HIRA: variants seen among roughly 807,000 people sequenced by gnomAD.
HIRA encodes histone cell cycle regulator.
HIRA carries 13 observed loss-of-function variants against 126.6 expected under a neutral mutation model. The observed-to-expected ratio is 0.10, with a 90% CI of 0.07 to 0.16. The LOEUF is 0.16. Ranked by LOEUF, HIRA falls within the 10% of genes least tolerant of loss-of-function variation. The pLI is 1.00. For synonymous variants in HIRA, 511 were observed against 520.0 expected (o/e 0.98, Z 0.24); for missense variants, 834 against 1,314.4 (o/e 0.63, Z 5.65).
intron 24 of HIRA, among the ~76,000 whole-genome samples, chr22:19,336,986 A>G (rs2088573898): frequency 6.6e-6 from 1 of 152,256 alleles, no homozygotes; most frequent in South Asian, 2.1e-4. Flanking sequence ...ACAAGGTTCT[A>G]TAATACCTCC....
rs376477210 is a variant in HIRA, at chr22:19,424,857, T to C, written c.37+6583A>G. On this transcript the variant is annotated intron_variant, in intron 1 of 24. Coordinates refer to ENST00000263208, the MANE Select transcript of HIRA (RefSeq NM_003325.4). ...ATAACAAGTCCTGAGATAGGTCAGC[T>C]TCAGGGTGCATTAATTTAGCAACTT... Among the ~76,000 whole-genome samples the C allele has an allele frequency of 3.3e-5, 5 of 152,326 alleles. No individual in the cohort carries two copies. The East Asian group carries it at 9.6e-4, about 29-fold the overall frequency.
intron 24 of HIRA, among the ~76,000 whole-genome samples, chr22:19,340,654 A>G (rs1556007299): frequency 6.6e-6 from 1 of 152,206 alleles, no homozygotes; most frequent in Admixed American, 6.5e-5. Context: ...GATCTAATAA[A>G]TGAATTCCGT....
intron 18 of HIRA, among the ~76,000 whole-genome samples, chr22:19,358,531 GA>G (rs1265356353): frequency 6.6e-6 from 1 of 152,194 alleles, no homozygotes; most frequent in Non-Finnish European, 1.5e-5. Flanking sequence ...CTGGGACTGG[GA>G]ATTTAAATGG....
intron 5 of HIRA, among the ~76,000 whole-genome samples, chr22:19,403,331 C>T (rs1025972732): frequency 6.6e-5 from 10 of 151,992 alleles, no homozygotes; most frequent in African/African-American, 1.5e-4. Flanking sequence ...ATTTTCTGGC[C>T]GGTCATGGTG....
Position 19,351,564 on chromosome 22 carries a change from A to G in HIRA, c.2849-118T>C, listed in dbSNP as rs1015096325. The G allele has an allele frequency of 1.3e-6, 1 of 783,314 alleles. No homozygotes were observed. The highest frequency in any genetic ancestry group is 2.0e-6 in the Non-Finnish European group (1 of 488,158). 48.5% of individuals were successfully genotyped at this position (783,314 alleles called of 1,614,324 possible). A position where few individuals can be genotyped will look rare whatever the true frequency, so the allele number is the denominator to read the frequency against. On this transcript the variant is annotated intron_variant, in intron 23 of 24. Coordinates refer to ENST00000263208, the MANE Select transcript of HIRA (RefSeq NM_003325.4). The surrounding 1 kb of genome is among the most constrained non-coding windows in gnomAD (Gnocchi z 4.8). Reference sequence around the variant, plus strand: ...TTGTGTCTATCAAATCAGAATAAACACATGCGTATTTTATTGCCTACTATG... The same window carrying G: ...TTGTGTCTATCAAATCAGAATAAACGCATGCGTATTTTATTGCCTACTATG...
At chr22:19,419,774 T>C (rs1442369422) in intron 1 of HIRA, among the ~76,000 whole-genome samples, 1 of 152,182 alleles carries the variant, frequency 6.6e-6, no homozygotes, top group Non-Finnish European at 1.5e-5. Context: ...TTCAAACACC[T>C]TCAGTATCAC....
At chr22:19,391,109 G>C (rs1266099702) in intron 9 of HIRA, among the ~76,000 whole-genome samples, 5 of 152,102 alleles carry the variant, frequency 3.3e-5, no homozygotes, top group Admixed American at 2.6e-4. Flanking sequence ...ATCAACAGGA[G>C]ACTGTATAAA....
chr22:19,376,191 T>C (rs1300778161), intron 14 of HIRA, among the ~76,000 whole-genome samples: 3 of 152,166 alleles, frequency 2.0e-5, no homozygotes, highest in Non-Finnish European at 2.9e-5. Context: ...GAGATAAGCC[T>C]GCACCTGGGG....
chr22:19,368,425 A>T (rs1432806243), intron 15 of HIRA, among the ~76,000 whole-genome samples: 1 of 150,804 alleles, frequency 6.6e-6, no homozygotes, highest in Non-Finnish European at 1.5e-5. Context: ...AAAATCCTTT[A>T]AAAATTTTTT....
In HIRA at chr22:19,375,739, G is replaced by A. The variant is rs375291531; in HGVS notation, c.1667C>T (p.Pro556Leu). 5.6e-6 allele frequency: 9 copies of A among 1,614,158 alleles called. No individual in the cohort carries two copies. The highest frequency in any genetic ancestry group is 1.7e-5 in the Admixed American group (1 of 60,012). ...AALSPSVLTT[P>L]SKIEPMKAFD... ...CGCTTTCATGGGTTCGATCTTGGACGGGGTCGTTAACACAGAAGGTGACAA... is the reference window on the plus strand; with the variant it reads ...CGCTTTCATGGGTTCGATCTTGGACAGGGTCGTTAACACAGAAGGTGACAA... The change falls in exon 15 of 25, where the codon CCG (proline) becomes CTG (leucine). Residue 556 changes from proline to leucine, a missense_variant. Transcript: ENST00000263208.
At chr22:19,382,753 G>T in intron 13 of HIRA, among the ~76,000 whole-genome samples, 1 of 150,418 alleles carries the variant, frequency 6.6e-6, no homozygotes, top group African/African-American at 2.5e-5. Flanking sequence ...TTCACACAGT[G>T]CTTTATCATT....
At chr22:19,390,790 T>G (rs2089173897) in intron 9 of HIRA, among the ~76,000 whole-genome samples, 1 of 151,844 alleles carries the variant, frequency 6.6e-6, no homozygotes, top group South Asian at 2.1e-4. Flanking sequence ...CTGTCTTGGT[T>G]GTATGCCTAG....
intron 1 of HIRA, among the ~76,000 whole-genome samples, chr22:19,431,016 G>A (rs2089532187): frequency 6.6e-6 from 1 of 152,188 alleles, no homozygotes; most frequent in Non-Finnish European, 1.5e-5. Flanking sequence ...AGTCCCTCTT[G>A]CAGATTTCGG....
At chr22:19,419,853 C>T (rs1206460109) in intron 1 of HIRA, among the ~76,000 whole-genome samples, 1 of 152,228 alleles carries the variant, frequency 6.6e-6, no homozygotes, top group African/African-American at 2.4e-5. Flanking sequence ...CGCCAACTGC[C>T]TGCAGGTGGG....
Position 19,351,458 on chromosome 22 carries a change from AAAAC to A in HIRA, c.2849-16_2849-13del, listed in dbSNP as rs782250340. The A allele has an allele frequency of 2.7e-5, 43 of 1,592,778 alleles. No homozygotes were observed. The highest frequency in any genetic ancestry group is 1.1e-4 in the East Asian group (5 of 44,798). On this transcript the variant is annotated splice_polypyrimidine_tract_variant and intron_variant, in intron 23 of 24. Transcript: ENST00000263208. This position sits in a 1 kb window ranked among gnomAD's most constrained non-coding sequence, Gnocchi z 4.8. Reference sequence around the variant, plus strand: ...TCGGTATTCAAACCCTAATTACAGAAAAACAAACAAACAACAACAACAAAAAACA... The same window carrying A: ...TCGGTATTCAAACCCTAATTACAGAAAAACAAACAACAACAACAAAAAACA...
In HIRA at chr22:19,351,473, C is replaced by A; in HGVS notation, c.2849-27G>T. On this transcript the variant is annotated intron_variant, in intron 23 of 24. Coordinates refer to ENST00000263208, the MANE Select transcript of HIRA (RefSeq NM_003325.4). The surrounding 1 kb of genome is among the most constrained non-coding windows in gnomAD (Gnocchi z 4.8). Reference sequence around the variant, plus strand: ...TAATTACAGAAAAACAAACAAACAACAACAACAAAAAACAAAACAGAAATA... The same window carrying A: ...TAATTACAGAAAAACAAACAAACAAAAACAACAAAAAACAAAACAGAAATA... 6.5e-7 allele frequency: 1 copy of A among 1,540,916 alleles called. No individual in the cohort carries two copies. Among genetic ancestry groups the A allele is most frequent in the South Asian group, 1.2e-5 (1 of 86,928 alleles).
intron 24 of HIRA, chr22:19,350,923 G>C (rs1556010703): frequency 6.4e-6 from 1 of 157,038 alleles, no homozygotes; most frequent in Admixed American, 6.6e-5. Flanking sequence ...GGCCTTCCTG[G>C]TCACTCCTTC....
intron 24 of HIRA, among the ~76,000 whole-genome samples, chr22:19,336,502 C>T (rs2088568682): frequency 6.6e-6 from 1 of 152,244 alleles, no homozygotes; most frequent in South Asian, 2.1e-4. Flanking sequence ...CAGCTAATTC[C>T]ACTGCCTGCA....
At chr22:19,427,065 G>A (rs1317162784) in intron 1 of HIRA, among the ~76,000 whole-genome samples, 2 of 152,108 alleles carry the variant, frequency 1.3e-5, no homozygotes, top group Non-Finnish European at 2.9e-5. Flanking sequence ...ACACCAAAAG[G>A]CAAATAACTT....
Sources: gnomAD v4.1 joint callset for allele counts (sites outside exome capture counted in the v4.1 genomes callset) on GRCh38, gnomAD v4.1.1 for gene constraint, Gnocchi (gnomAD v3.1) non-coding constraint, MANE v1.5 for transcripts, NCBI Gene and HGNC (gene_info 2026-07-23, HGNC 2026-07-21) for gene names.